The following NTRK3 variants were observed in gnomAD, a reference collection of about 807,000 sequenced individuals.
NTRK3 encodes NT-3 growth factor receptor.
A neutral mutation model predicts 91.7 loss-of-function variants in NTRK3; 24 were observed. The ratio of observed to expected loss-of-function variants is 0.26; its 90% CI spans 0.19 to 0.37. The LOEUF is 0.37. NTRK3 is among the 10% of genes least tolerant of loss of function. NTRK3 has a pLI of 1.00. For missense variants in NTRK3, 880 were observed against 1,068.9 expected, an observed-to-expected ratio of 0.82 and a Z score of 2.46; for synonymous variants, 483 against 404.0, an observed-to-expected ratio of 1.20 and a Z score of -2.34.
At chr15:87,940,977 C>T (rs2069784564) in intron 14 of NTRK3, among the ~76,000 whole-genome samples, 1 of 152,178 alleles carries the variant, frequency 6.6e-6, no homozygotes, top group Admixed American at 6.5e-5. Context: ...CAACTCCTAA[C>T]CCCTCTAAAC....
chr15:88,055,278 G>A (rs1474168182), intron 13 of NTRK3, among the ~76,000 whole-genome samples: 2 of 152,134 alleles, frequency 1.3e-5, no homozygotes, highest in Non-Finnish European at 2.9e-5. Context: ...AATTAAACTG[G>A]GAGGAGTAGA....
At chr15:87,925,616 C>T (rs147190204) in intron 17 of NTRK3, 5 of 209,006 alleles carry the variant, frequency 2.4e-5, no homozygotes, top group African/African-American at 9.1e-5. Flanking sequence ...ACAGTATTCT[C>T]GCGATCTGAC....
In NTRK3 at chr15:88,038,605, G is replaced by A. The variant is rs369131242; in HGVS notation, c.1397-5560C>T. ...AATGCACCACTCTGCGGAGGATGCTGATCATGAGGGAGGCTGTGCATGGGT... is the reference window on the plus strand; with the variant it reads ...AATGCACCACTCTGCGGAGGATGCTAATCATGAGGGAGGCTGTGCATGGGT... On this transcript the variant is annotated intron_variant, in intron 13 of 18. Transcript: ENST00000394480. 1.7e-4 allele frequency among the ~76,000 whole-genome samples: 26 copies of A among 152,274 alleles called. No homozygotes were observed. In the East Asian group the frequency reaches 2.9e-3, roughly 17 times the overall value.
exon 13 of NTRK3, chr15:88,126,371 T>A (rs2053283574): frequency 1.2e-6 from 2 of 1,609,266 alleles, no homozygotes; most frequent in Non-Finnish European, 1.7e-6. Flanking sequence ...CTGCTATGGA[T>A]ACCTGTGAGG....
rs185689891 is a variant in NTRK3 at position 87,967,600 on chromosome 15, C to G, written c.1586-26847G>C. Among the ~76,000 whole-genome samples the G allele has an allele frequency of 2.9e-3, 440 of 152,266 alleles. 2 individuals carry two copies. Among genetic ancestry groups the G allele is most frequent in the Non-Finnish European group, 4.9e-3 (332 of 68,024 alleles). ...GGTGCTGCTTATAAATTCTCTCATCCCATGCCATTCATGCCTCCTGCTCTC... is the reference window on the plus strand; with the variant it reads ...GGTGCTGCTTATAAATTCTCTCATCGCATGCCATTCATGCCTCCTGCTCTC... On this transcript the variant is annotated intron_variant, in intron 14 of 18. Transcript: ENST00000394480.
At chr15:88,010,689 A>G (rs1040370439) in intron 14 of NTRK3, among the ~76,000 whole-genome samples, 6 of 152,150 alleles carry the variant, frequency 3.9e-5, no homozygotes, top group Middle Eastern at 3.2e-3. Context: ...TTAAGAGCCA[A>G]TAACAGAACT....
chr15:87,971,482 G>C (rs2073247341), intron 14 of NTRK3, among the ~76,000 whole-genome samples: 1 of 152,194 alleles, frequency 6.6e-6, no homozygotes, highest in Non-Finnish European at 1.5e-5. Flanking sequence ...ATAATTAATA[G>C]GCTAGATTTA....
intron 14 of NTRK3, among the ~76,000 whole-genome samples, chr15:88,009,538 G>A (rs531995286): frequency 6.6e-6 from 1 of 152,134 alleles, no homozygotes; most frequent in Non-Finnish European, 1.5e-5. Context: ...ATTTTTTTGT[G>A]TGAACCTTGT....
At chr15:87,986,454 C>A (rs1390525210) in intron 14 of NTRK3, among the ~76,000 whole-genome samples, 1 of 152,180 alleles carries the variant, frequency 6.6e-6, no homozygotes, top group Non-Finnish European at 1.5e-5. Context: ...CCAGAAGTAA[C>A]CACTGCTCTG....
At chr15:88,079,945 A>T (rs566396380) in intron 13 of NTRK3, among the ~76,000 whole-genome samples, 9 of 152,320 alleles carry the variant, frequency 5.9e-5, no homozygotes, top group African/African-American at 2.2e-4. Flanking sequence ...TTTTGTTGTC[A>T]ATATAAAATT....
chr15:88,256,487 C>T lies in NTRK3; in HGVS notation c.-218-1G>A, dbSNP rs2054068054. ...CGAGGCGCGCTCTCCGACTCCGAGA[C>T]TTTGCAGGGTTGCAACAGACGGTGG... On this transcript the variant is annotated splice_acceptor_variant, in intron 1 of 18. Coordinates refer to ENST00000394480, the Ensembl canonical transcript of NTRK3. LOFTEE classifies it low-confidence loss of function (5UTR_SPLICE). 2 of 518,322 alleles carry T rather than the reference C, an allele frequency of 3.9e-6. No homozygotes were observed. The highest frequency in any genetic ancestry group is 6.7e-6 in the Non-Finnish European group (2 of 300,714). 32.1% of individuals were successfully genotyped at this position (518,322 alleles called of 1,614,324 possible).
intron 14 of NTRK3, among the ~76,000 whole-genome samples, chr15:88,027,853 G>A (rs28714295): frequency 0.23 from 35,044 of 152,154 alleles, 6,545 homozygotes; most frequent in African/African-American, 0.52. Flanking sequence ...TTGAGAAACG[G>A]CAGGCTGACC....
At chr15:88,068,081 T>TA (rs2046808230) in intron 13 of NTRK3, among the ~76,000 whole-genome samples, 1 of 152,184 alleles carries the variant, frequency 6.6e-6, no homozygotes, top group African/African-American at 2.4e-5. Flanking sequence ...TAAACATAAC[T>TA]ACCTAGACTC....
At chr15:88,222,856 G>T (rs578110722) in intron 3 of NTRK3, among the ~76,000 whole-genome samples, 2 of 152,324 alleles carry the variant, frequency 1.3e-5, no homozygotes, top group African/African-American at 4.8e-5. Flanking sequence ...GAGGCCCAGG[G>T]AGGCTCAATG....
chr15:88,097,466 G>C (rs1314186503), intron 13 of NTRK3, among the ~76,000 whole-genome samples: 1 of 152,160 alleles, frequency 6.6e-6, no homozygotes, highest in South Asian at 2.1e-4. Context: ...CACTGATAGA[G>C]GCTTTGTTGA....
At position 88,233,354 on chromosome 15, in the gene NTRK3, C is replaced by G. The variant is rs1179418998; in HGVS notation, c.248+22552G>C. On this transcript the variant is annotated intron_variant, in intron 3 of 18. Transcript: ENST00000394480. The surrounding 1 kb of genome is among the most constrained non-coding windows in gnomAD (Gnocchi z 4.2). ...TCCACCTGCAGTGGTGGCTGGGGGT[C>G]TTATTATCTGTCCATATCCTTCCCT... 2.0e-5 allele frequency among the ~76,000 whole-genome samples: 3 copies of G among 152,130 alleles called. No individual in the cohort carries two copies. Among genetic ancestry groups the G allele is most frequent in the Non-Finnish European group, 4.4e-5 (3 of 68,018 alleles).
At chr15:87,979,139 G>C in intron 14 of NTRK3, 1 of 621,136 alleles carries the variant, frequency 1.6e-6, no homozygotes, top group Admixed American at 2.7e-5. Context: ...GCACAGTGAT[G>C]ATTGGAGGGA....
At chr15:88,166,711 C>G (rs2044993762) in intron 5 of NTRK3, among the ~76,000 whole-genome samples, 1 of 152,132 alleles carries the variant, frequency 6.6e-6, no homozygotes, top group South Asian at 2.1e-4. Flanking sequence ...GTCTTTATAT[C>G]AGTTACAACA....
intron 13 of NTRK3, among the ~76,000 whole-genome samples, chr15:88,109,097 C>G (rs1010188138): frequency 6.6e-6 from 1 of 152,226 alleles, no homozygotes; most frequent in African/African-American, 2.4e-5. Flanking sequence ...TCCCCCAATC[C>G]ATGGGGAGTC....
Sources: gnomAD v4.1 joint callset for allele counts (sites outside exome capture counted in the v4.1 genomes callset) on GRCh38, gnomAD v4.1.1 for gene constraint, Gnocchi (gnomAD v3.1) non-coding constraint, MANE v1.5 for transcripts, NCBI Gene and HGNC (gene_info 2026-07-23, HGNC 2026-07-21) for gene names.